The following CHODL variants were observed in gnomAD, a reference collection of about 807,000 sequenced individuals.
CHODL encodes the protein transmembrane protein MT75.
In CHODL, 29 loss-of-function variants were observed where a neutral mutation model predicts 34.5. That is an observed-to-expected ratio of 0.84 (90% CI 0.63 to 1.15). The LOEUF is 1.15. CHODL is among the 50% of genes most tolerant of loss of function. The pLI is 0.00. For synonymous variants in CHODL, 125 were observed against 116.1 expected, an observed-to-expected ratio of 1.08 and a Z score of -0.49; for missense variants, 332 against 332.5, an observed-to-expected ratio of 1.00 and a Z score of 0.01.
intron 1 of CHODL, among the ~76,000 whole-genome samples, chr21:18,000,832 A>G (rs1278480959): frequency 6.6e-6 from 1 of 152,242 alleles, no homozygotes; most frequent in Non-Finnish European, 1.5e-5. Context: ...CAGTGGTCAA[A>G]AATTCAAAGT....
intron 1 of CHODL, among the ~76,000 whole-genome samples, chr21:17,922,977 G>A (rs1420273323): frequency 6.6e-6 from 1 of 152,152 alleles, no homozygotes; most frequent in Non-Finnish European, 1.5e-5. Context: ...GGGACAATTG[G>A]AAGCAAAGGT....
intron 2 of CHODL, among the ~76,000 whole-genome samples, chr21:18,117,738 TAAATA>T (rs1272358366): frequency 6.6e-6 from 1 of 151,512 alleles, no homozygotes; most frequent in Non-Finnish European, 1.5e-5. Flanking sequence ...AAGAAATAAA[TAAATA>T]AAACAATGAA....
At chr21:18,256,924 T>C (rs1601217586) in intron 2 of CHODL, 46 bp from the exon 3 acceptor site, 1 of 1,593,854 alleles carries the variant, frequency 6.3e-7, no homozygotes, top group Admixed American at 1.7e-5. Context: ...GGCAGAATCA[T>C]TTAGTAGGCA....
chr21:18,077,887 TCTC>T (rs984787770), intron 2 of CHODL, among the ~76,000 whole-genome samples: 6 of 152,184 alleles, frequency 3.9e-5, no homozygotes, highest in African/African-American at 1.4e-4. Context: ...TAATCAACTT[TCTC>T]CTTCTTTTCC....
At chr21:18,034,582 A>G (rs2064287643) in intron 2 of CHODL, 1 of 152,056 alleles carries the variant, frequency 6.6e-6, no homozygotes, top group Non-Finnish European at 1.5e-5. Context: ...GAAGTGGAAT[A>G]TATTTGTATT....
At chr21:17,948,287 T>C (rs1047917834) in intron 1 of CHODL, among the ~76,000 whole-genome samples, 1 of 150,352 alleles carries the variant, frequency 6.7e-6, no homozygotes. Flanking sequence ...CTTGTTCCCC[T>C]AAATCTACAA....
chr21:17,941,286 CTTTTTTTTTTTTT>C (rs34255623), intron 1 of CHODL, among the ~76,000 whole-genome samples: 1 of 87,958 alleles, frequency 1.1e-5, no homozygotes, highest in Non-Finnish European at 2.1e-5. Context: ...TAACTTGCCT[CTTTTTTTTTTTTT>C]TTTTTTTTTT....
At chr21:18,078,803 C>G (rs2064898404) in intron 2 of CHODL, among the ~76,000 whole-genome samples, 3 of 151,940 alleles carry the variant, frequency 2.0e-5, no homozygotes, top group Middle Eastern at 3.4e-3. Flanking sequence ...TCATTTAGTT[C>G]TCAAAGAGCT....
intron 2 of CHODL, among the ~76,000 whole-genome samples, chr21:18,201,890 C>CA (rs997348703): frequency 1.2e-4 from 18 of 150,358 alleles, no homozygotes; most frequent in Admixed American, 2.0e-4. Flanking sequence ...CTGGAAGCTC[C>CA]GCCTCCCGGG....
At chr21:18,243,342 T>G (rs2074099900), upstream of CHODL, among the ~76,000 whole-genome samples, 2 of 152,184 alleles carry the variant, frequency 1.3e-5, no homozygotes, top group South Asian at 4.1e-4. Context: ...TGGAGGCGTA[T>G]CAGTTTTCCA....
At chr21:18,029,654 T>TG (rs373320822) in intron 2 of CHODL, among the ~76,000 whole-genome samples, 2 of 152,078 alleles carry the variant, frequency 1.3e-5, no homozygotes, top group Non-Finnish European at 2.9e-5. Context: ...CTTCCTGTTT[T>TG]GGGGGGAATC....
intron 1 of CHODL, among the ~76,000 whole-genome samples, chr21:18,252,371 T>C (rs1387886318): frequency 1.3e-5 from 2 of 152,204 alleles, no homozygotes; most frequent in Non-Finnish European, 2.9e-5. Context: ...GAGGTAATTG[T>C]AATTGTTCTC....
chr21:18,230,919 CTATTT>C (rs1206400134), intron 2 of CHODL, among the ~76,000 whole-genome samples: 7 of 152,102 alleles, frequency 4.6e-5, no homozygotes, highest in South Asian at 2.1e-4. Context: ...AAATGCTTTT[CTATTT>C]TATGATTTTT....
chr21:18,038,524 T>C (rs1175781955), intron 2 of CHODL, among the ~76,000 whole-genome samples: 1 of 151,720 alleles, frequency 6.6e-6, no homozygotes, highest in Non-Finnish European at 1.5e-5. Flanking sequence ...TTTGCTGAAT[T>C]TTTATTTTTT....
rs933814106 is a variant in CHODL, at chr21:17,975,791, A to G, written c.-144-52081A>G. Among the ~76,000 whole-genome samples, 5 of 152,196 alleles carry G rather than the reference A, an allele frequency of 3.3e-5. No homozygotes were observed. In the South Asian group the frequency reaches 1.0e-3, roughly 32 times the overall value. On this transcript the variant is annotated intron_variant, in intron 1 of 6. Coordinates refer to the CHODL transcript ENST00000400127. ...TCCCCACCCCTGCCCACTCTGCAACATCCCAGAATCTATGATACTTAAATT... is the reference window on the plus strand; with the variant it reads ...TCCCCACCCCTGCCCACTCTGCAACGTCCCAGAATCTATGATACTTAAATT...
At chr21:17,925,806 A>G (rs1179446644) in intron 1 of CHODL, among the ~76,000 whole-genome samples, 1 of 152,210 alleles carries the variant, frequency 6.6e-6, no homozygotes, top group East Asian at 1.9e-4. Flanking sequence ...TGACTATTCC[A>G]TGTTGGTTGT....
At chr21:17,969,487 T>TG (rs2146360715) in intron 1 of CHODL, among the ~76,000 whole-genome samples, 1 of 152,368 alleles carries the variant, frequency 6.6e-6, no homozygotes, top group African/African-American at 2.4e-5. Context: ...ACAGAACTAG[T>TG]GGCTTTATAG....
chr21:18,160,459 T>C (rs1210085344), intron 2 of CHODL, among the ~76,000 whole-genome samples: 2 of 152,078 alleles, frequency 1.3e-5, no homozygotes, highest in Non-Finnish European at 2.9e-5. Context: ...CTAGTACCCA[T>C]TAGTTATTTT....
chr21:18,168,710 CA>C (rs1465566471), intron 2 of CHODL, among the ~76,000 whole-genome samples: 1 of 151,966 alleles, frequency 6.6e-6, no homozygotes, highest in African/African-American at 2.4e-5. Flanking sequence ...TATTTTTTTC[CA>C]TTACATGGGT....
Sources: allele counts gnomAD v4.1 joint callset (sites outside exome capture counted in the v4.1 genomes callset), GRCh38; gene constraint gnomAD v4.1.1; transcripts MANE v1.5; gene names NCBI Gene and HGNC (gene_info 2026-07-23, HGNC 2026-07-21).